WDPCP: variants seen among roughly 807,000 people sequenced by gnomAD.
WDPCP encodes WD repeat containing planar cell polarity effector.
WDPCP carries 71 observed loss-of-function variants against 93.1 expected under a neutral mutation model. That is an observed-to-expected ratio of 0.76 (90% CI 0.63 to 0.93). The LOEUF (loss-of-function observed/expected upper bound fraction) is 0.93. Ranked by LOEUF, WDPCP falls within the 40% of genes least tolerant of loss-of-function variation. The probability of loss-of-function intolerance (pLI) is 0.00; values close to 1 mark genes in which losing one functional copy is unlikely to be tolerated. For missense variants in WDPCP, 844 were observed against 887.4 expected, an observed-to-expected ratio of 0.95 and a Z score of 0.62; for synonymous variants, 315 against 315.0, an observed-to-expected ratio of 1.00 and a Z score of 0.00.
At chr2:63,647,268 G>A (rs1239796208) in intron 3 of WDPCP, among the ~76,000 whole-genome samples, 1 of 152,112 alleles carries the variant, frequency 6.6e-6, no homozygotes, top group Non-Finnish European at 1.5e-5. Flanking sequence ...CTCCTGAGTA[G>A]CTGGGATTAC....
At chr2:63,434,833 C>T (rs568749429) in intron 8 of WDPCP, among the ~76,000 whole-genome samples, 2 of 152,166 alleles carry the variant, frequency 1.3e-5, no homozygotes, top group Admixed American at 6.5e-5. Context: ...TTCCTGTCTG[C>T]AAGGCAACAA....
At chr2:63,207,403 T>A (rs543845388) in intron 14 of WDPCP, among the ~76,000 whole-genome samples, 1 of 152,280 alleles carries the variant, frequency 6.6e-6, no homozygotes, top group South Asian at 2.1e-4. Context: ...TGATTGTAAG[T>A]TTCCTGAGGC....
intron 14 of WDPCP, among the ~76,000 whole-genome samples, chr2:63,241,157 T>A (rs1198877568): frequency 6.6e-6 from 1 of 152,156 alleles, no homozygotes; most frequent in Non-Finnish European, 1.5e-5. Flanking sequence ...AAACTGTACA[T>A]CTCTTAAGAT....
intron 13 of WDPCP, among the ~76,000 whole-genome samples, chr2:63,271,378 T>A (rs1426258022): frequency 6.6e-6 from 1 of 152,184 alleles, no homozygotes; most frequent in Admixed American, 6.5e-5. Flanking sequence ...GCCCTGAGGA[T>A]TGATCTGCTT....
At chr2:63,596,674 G>A (rs1709317445) in intron 3 of WDPCP, among the ~76,000 whole-genome samples, 1 of 152,190 alleles carries the variant, frequency 6.6e-6, no homozygotes, top group South Asian at 2.1e-4. Flanking sequence ...TGACTATGAT[G>A]CAACTAGCCA....
intron 17 of WDPCP, among the ~76,000 whole-genome samples, chr2:63,147,727 G>T (rs1472764657): frequency 6.6e-6 from 1 of 152,082 alleles, no homozygotes; most frequent in Non-Finnish European, 1.5e-5. Flanking sequence ...CCAGCACTTT[G>T]GGGGGCCAAG....
chr2:63,442,546 C>T (rs900714497), intron 6 of WDPCP: 4 of 152,152 alleles, frequency 2.6e-5, no homozygotes, highest in African/African-American at 7.2e-5. Context: ...TTAACCAACT[C>T]TGAGCACATT....
intron 6 of WDPCP, among the ~76,000 whole-genome samples, chr2:63,480,190 G>A (rs1212823273): frequency 6.6e-6 from 1 of 151,956 alleles, no homozygotes; most frequent in Non-Finnish European, 1.5e-5. Context: ...GGAAGTGAGA[G>A]ATCTCTACAA....
chr2:63,221,569 GTAGCAACT>G (rs1559217649), intron 14 of WDPCP, among the ~76,000 whole-genome samples: 2 of 152,222 alleles, frequency 1.3e-5, no homozygotes, highest in African/African-American at 4.8e-5. Context: ...CAGTTCAGAT[GTAGCAACT>G]TCTTGGACGT....
At chr2:63,817,138 C>G (rs1422417095) in intron 1 of WDPCP, among the ~76,000 whole-genome samples, 1 of 149,544 alleles carries the variant, frequency 6.7e-6, no homozygotes. Context: ...GAGTCAGAGT[C>G]TCGCTCTGTC....
At chr2:63,222,675 A>T (rs1050539254) in intron 14 of WDPCP, among the ~76,000 whole-genome samples, 2 of 152,214 alleles carry the variant, frequency 1.3e-5, no homozygotes, top group Non-Finnish European at 2.9e-5. Flanking sequence ...TCAGCACTAC[A>T]CATAGCTGTA....
At chr2:63,748,493 A>G (rs1267341290) in intron 2 of WDPCP, among the ~76,000 whole-genome samples, 1 of 152,020 alleles carries the variant, frequency 6.6e-6, no homozygotes, top group East Asian at 1.9e-4. Context: ...TGATCATATA[A>G]ATTTTCTCCT....
At chr2:63,507,197 A>G (rs1163272956) in intron 1 of WDPCP, among the ~76,000 whole-genome samples, 7 of 152,082 alleles carry the variant, frequency 4.6e-5, no homozygotes, top group African/African-American at 1.7e-4. Flanking sequence ...CCCTGTGCAT[A>G]TTATTGTGAA....
At chr2:63,830,996 A>C (rs1252926847), upstream of WDPCP, among the ~76,000 whole-genome samples, 1 of 152,132 alleles carries the variant, frequency 6.6e-6, no homozygotes, top group Non-Finnish European at 1.5e-5. Context: ...TCAAACTTAA[A>C]ATGACCAAAA....
At chr2:63,807,243 A>AG (rs1401046062) in intron 2 of WDPCP, among the ~76,000 whole-genome samples, 3 of 152,144 alleles carry the variant, frequency 2.0e-5, no homozygotes, top group African/African-American at 7.2e-5. Context: ...TTATTGGAGG[A>AG]GGGGGTCTAG....
intron 1 of WDPCP, among the ~76,000 whole-genome samples, chr2:63,523,357 A>G (rs1295820550): frequency 6.6e-6 from 1 of 152,216 alleles, no homozygotes; most frequent in East Asian, 1.9e-4. Context: ...ATCATACTGA[A>G]TGGGCAAAAG....
chr2:63,176,123 A>G (rs1673784693), intron 14 of WDPCP, among the ~76,000 whole-genome samples: 1 of 152,168 alleles, frequency 6.6e-6, no homozygotes, highest in South Asian at 2.1e-4. Context: ...AGTCATCCTA[A>G]TGAATGTGAC....
intron 9 of WDPCP, among the ~76,000 whole-genome samples, chr2:63,428,193 A>G (rs1458670295): frequency 6.6e-6 from 1 of 151,954 alleles, no homozygotes; most frequent in East Asian, 1.9e-4. Flanking sequence ...TCCAAAAAAA[A>G]AAAAAAATTG....
intron 3 of WDPCP, among the ~76,000 whole-genome samples, chr2:63,650,453 C>T (rs1710096657): frequency 6.6e-6 from 1 of 152,176 alleles, no homozygotes. Flanking sequence ...CAGGACTTGC[C>T]CCGCCCAGTG....
Sources: allele counts gnomAD v4.1 joint callset (sites outside exome capture counted in the v4.1 genomes callset), GRCh38; gene constraint gnomAD v4.1.1; transcripts MANE v1.5; gene names NCBI Gene and HGNC (gene_info 2026-07-23, HGNC 2026-07-21).